The following IMPG2 variants were observed in gnomAD, a reference collection of about 807,000 sequenced individuals.
IMPG2 encodes interphotoreceptor matrix proteoglycan 2, also known as IPM 200.
A neutral mutation model predicts 129.2 loss-of-function variants in IMPG2; 91 were observed. The observed-to-expected ratio is 0.70, with a 90% confidence interval of 0.59 to 0.84. IMPG2 has a LOEUF of 0.84. Ranked by LOEUF, IMPG2 falls within the 40% of genes least tolerant of loss-of-function variation. The pLI is 0.00. For synonymous variants in IMPG2, 510 were observed against 517.7 expected (o/e 0.99, Z 0.20); for missense variants, 1,430 against 1,461.7 (o/e 0.98, Z 0.35).
At chr3:101,293,726 C>T (rs1006396859) in intron 3 of IMPG2, among the ~76,000 whole-genome samples, 1 of 152,206 alleles carries the variant, frequency 6.6e-6, no homozygotes, top group African/African-American at 2.4e-5. Context: ...TCTGTTGTTC[C>T]ATGTAGCCAC....
chr3:101,301,535 C>T (rs1468361446), intron 3 of IMPG2, among the ~76,000 whole-genome samples: 1 of 152,230 alleles, frequency 6.6e-6, no homozygotes, highest in Non-Finnish European at 1.5e-5. Context: ...AAACAATTCA[C>T]ATTTCACACA....
chr3:101,271,463 T>C (rs1195839721), intron 7 of IMPG2, among the ~76,000 whole-genome samples: 2 of 152,228 alleles, frequency 1.3e-5, no homozygotes, highest in East Asian at 3.9e-4. Flanking sequence ...TATTGAGGAC[T>C]GCAATATATC....
rs1320552485 is a variant in IMPG2 at position 101,275,668 on chromosome 3, C to T, written c.661G>A (p.Glu221Lys). 3 of 1,608,580 alleles carry T rather than the reference C, an allele frequency of 1.9e-6. No individual in the cohort carries two copies. Among genetic ancestry groups the T allele is most frequent in the East Asian group, 4.5e-5 (2 of 44,870 alleles). Residue 221 changes from glutamate (E) to lysine (K), a missense_variant, in exon 6 of 19, where the codon GAG becomes AAG. Coordinates refer to ENST00000193391, the MANE Select transcript of IMPG2 (RefSeq NM_016247.4). ...CAAAACAGAGCATCACTCACACTCT[C>T]CTCTGGCCTTTCCAAGCTGCTCTCT... ...ASESSLERPEESISNEIENVI... is the reference protein window; with the variant it reads ...ASESSLERPEKSISNEIENVI...
chr3:101,246,900 C>G (rs1450491198), intron 11 of IMPG2, among the ~76,000 whole-genome samples: 1 of 151,808 alleles, frequency 6.6e-6, no homozygotes, highest in Non-Finnish European at 1.5e-5. Context: ...GGCCAGCAGT[C>G]CAGACTGGGC....
At chr3:101,262,588 C>T (rs1055608914) in intron 9 of IMPG2, among the ~76,000 whole-genome samples, 1 of 151,670 alleles carries the variant, frequency 6.6e-6, no homozygotes, top group African/African-American at 2.4e-5. Context: ...CCCCACACTA[C>T]AAGAAAGGAT....
At chr3:101,273,992 G>A (rs1033594309) in intron 6 of IMPG2, among the ~76,000 whole-genome samples, 17 of 152,098 alleles carry the variant, frequency 1.1e-4, no homozygotes, top group African/African-American at 3.6e-4. Context: ...GAGGTCAGGA[G>A]TTCAAGACCA....
rs1278708649 is a variant in IMPG2 at position 101,243,587 on chromosome 3, T to C, written c.2744A>G (p.Asp915Gly). The C allele has an allele frequency of 6.2e-7, 1 of 1,613,858 alleles. No individual in the cohort carries two copies. Among genetic ancestry groups the C allele is most frequent in the East Asian group, 2.2e-5 (1 of 44,862 alleles). Residue 915 changes from aspartate to glycine, a missense_variant, in exon 13 of 19, where the codon GAT becomes GGT. Transcript: ENST00000193391. The part of the protein sequence containing the change: ...LRVTNMMFSE[D>G]LFNKNSLEYK... ...CTCCAAGGAGTTTTTATTAAACAGATCTTCTGAAAACATCATGTTAGTCAC... is the reference window on the plus strand; with the variant it reads ...CTCCAAGGAGTTTTTATTAAACAGACCTTCTGAAAACATCATGTTAGTCAC...
At chr3:101,257,897 C>T in intron 9 of IMPG2, 124 bp from the exon 10 acceptor site, 1 of 1,148,250 alleles carries the variant, frequency 8.7e-7, no homozygotes, top group Non-Finnish European at 1.3e-6. Context: ...GATTCCATCA[C>T]TTTTCTCTGA....
intron 11 of IMPG2, among the ~76,000 whole-genome samples, chr3:101,248,112 C>A (rs1453369478): frequency 6.6e-6 from 1 of 152,088 alleles, no homozygotes; most frequent in Non-Finnish European, 1.5e-5. Flanking sequence ...AGAGAGCTAA[C>A]CCAAAACAAG....
intron 11 of IMPG2, among the ~76,000 whole-genome samples, chr3:101,251,907 T>C (rs1429300263): frequency 6.6e-6 from 1 of 152,142 alleles, no homozygotes; most frequent in African/African-American, 2.4e-5. Context: ...AGGGAAGGAA[T>C]AAATTAAAAA....
chr3:101,315,894 C>T (rs1022421457), intron 2 of IMPG2, among the ~76,000 whole-genome samples: 1 of 149,876 alleles, frequency 6.7e-6, no homozygotes, highest in South Asian at 2.1e-4. Flanking sequence ...TATAATAAAG[C>T]TTACAGTAAA....
At chr3:101,279,770 G>A (rs760984978) in intron 4 of IMPG2, among the ~76,000 whole-genome samples, 9 of 152,202 alleles carry the variant, frequency 5.9e-5, no homozygotes, top group Non-Finnish European at 1.2e-4. Flanking sequence ...GTTTACTTCA[G>A]TTGAACTAGA....
At chr3:101,307,246 T>C (rs1330751069) in intron 2 of IMPG2, among the ~76,000 whole-genome samples, 1 of 152,134 alleles carries the variant, frequency 6.6e-6, no homozygotes, top group Admixed American at 6.5e-5. Context: ...TTGGCAAAAA[T>C]GCAGAGCAAC....
rs2107126517 is a variant in IMPG2, at chr3:101,291,512, T to C, written c.502-2A>G. The C allele has an allele frequency of 6.2e-6, 10 of 1,611,318 alleles. No individual in the cohort carries two copies. The highest frequency in any genetic ancestry group is 7.6e-6 in the Non-Finnish European group (9 of 1,177,596). On this transcript the variant is annotated splice_acceptor_variant, in intron 3 of 18. Transcript: ENST00000193391. LOFTEE classifies it high-confidence loss of function. ...AGTTTCCTTTGCATAAGTCAGTTTCTAAGGAAAACAAAGATATAAAAATGA... is the reference window on the plus strand; with the variant it reads ...AGTTTCCTTTGCATAAGTCAGTTTCCAAGGAAAACAAAGATATAAAAATGA...
rs761867655 is a variant in IMPG2 at position 101,232,770 on chromosome 3, C to T, written c.3233+11G>A. On this transcript the variant is annotated intron_variant, in intron 15 of 18. Transcript: ENST00000193391. ...TAGCCTCTAAAGTCAAAATCTGTAA[C>T]TACAACATACCTACAAATGGCCCCG... 6.2e-7 allele frequency: 1 copy of T among 1,612,034 alleles called. No individual in the cohort carries two copies. The highest frequency in any genetic ancestry group is 8.5e-7 in the Non-Finnish European group (1 of 1,178,436).
chr3:101,298,803 C>G (rs547827275), intron 3 of IMPG2, among the ~76,000 whole-genome samples: 108 of 152,284 alleles, frequency 7.1e-4, no homozygotes, highest in African/African-American at 2.3e-3. Flanking sequence ...TGTTGGCAAC[C>G]CTGCCTTTGT....
At chr3:101,243,068 G>C (rs1433118968) in intron 13 of IMPG2, among the ~76,000 whole-genome samples, 161 bp from the exon 14 acceptor site, 1 of 152,134 alleles carries the variant, frequency 6.6e-6, no homozygotes. Flanking sequence ...GTACAAATTA[G>C]GAATGATTTG....
At chr3:101,259,126 CA>C (rs992033110) in intron 9 of IMPG2, among the ~76,000 whole-genome samples, 3 of 152,020 alleles carry the variant, frequency 2.0e-5, no homozygotes, top group African/African-American at 7.2e-5. Flanking sequence ...AACTATTACC[CA>C]AAAAAGTAAT....
At chr3:101,244,900 G>A (rs1452188012) in intron 12 of IMPG2, 113 bp from the exon 13 acceptor site, 4 of 891,250 alleles carry the variant, frequency 4.5e-6, no homozygotes, top group East Asian at 2.6e-5. Context: ...AGGGACAATT[G>A]TTGACTTTTG....
Sources: allele counts gnomAD v4.1 joint callset (sites outside exome capture counted in the v4.1 genomes callset), GRCh38; gene constraint gnomAD v4.1.1; transcripts MANE v1.5; gene names NCBI Gene and HGNC (gene_info 2026-07-23, HGNC 2026-07-21).